Variants in DMD observed in about 807,000 individuals in gnomAD.
The protein encoded by DMD is mutant dystrophin.
DMD carries 63 observed loss-of-function variants against 330.1 expected under a neutral mutation model. That is an observed-to-expected ratio of 0.19 (90% CI 0.16 to 0.24). The LOEUF (loss-of-function observed/expected upper bound fraction) is 0.24. DMD is among the 10% of genes least tolerant of loss of function. The probability of loss-of-function intolerance (pLI) is 1.00; values close to 1 mark genes in which losing one functional copy is unlikely to be tolerated. For synonymous variants in DMD, 1,223 were observed against 959.8 expected (o/e 1.27, Z -5.07); for missense variants, 3,344 against 2,684.1 (o/e 1.25, Z -5.43).
intron 44 of DMD, among the ~76,000 whole-genome samples, chrX:32,051,817 G>T (rs1419603114): frequency 9.0e-6 from 1 of 111,006 alleles, no homozygotes; most frequent in African/African-American, 3.3e-5. Context: ...TTGGGGCACT[G>T]CACTGTCATC....
rs960069052 is a variant in DMD at position 31,582,383 on chromosome X, G to C, written c.8217+45290C>G. ...TCACTCAAGGAGAGTGGAAGAAATG[G>C]GGCCTTGGAGAGATTATGTCATGTG... On this transcript the variant is annotated intron_variant, in intron 55 of 78. Coordinates refer to ENST00000357033, the MANE Select transcript of DMD (RefSeq NM_004006.3). Among the ~76,000 whole-genome samples, 16 of 111,492 alleles carry C rather than the reference G, an allele frequency of 1.4e-4. 1 individual carries two copies. Among genetic ancestry groups the C allele is most frequent in the African/African-American group, 5.2e-4 (16 of 30,635 alleles).
At chrX:32,623,481 A>C (rs780918208) in intron 11 of DMD, among the ~76,000 whole-genome samples, 128 of 110,599 alleles carry the variant, frequency 1.2e-3, no homozygotes, top group Non-Finnish European at 2.1e-3. Context: ...CATTTATTCA[A>C]CTTTTTTTAA....
chrX:32,454,702 T>A lies in DMD; in HGVS notation c.3563A>T (p.Lys1188Ile). The change falls in exon 26 of 79, where the codon AAA (lysine) becomes ATA (isoleucine). Residue 1188 changes from lysine (K) to isoleucine (I), a missense_variant. By Grantham distance (102) the Lys-to-Ile change is moderately radical. Coordinates refer to ENST00000357033, the MANE Select transcript of DMD (RefSeq NM_004006.3). The part of the protein sequence containing the change: ...EEYLERDFEY[K>I]TPDELQKAVE... ...TGCTTTCTGTAATTCATCTGGAGTT[T>A]TATATTCAAAATCTCTCTCAAGATA... 1 of 1,202,617 alleles carries A rather than the reference T, an allele frequency of 8.3e-7. No homozygotes were observed. Among genetic ancestry groups the A allele is most frequent in the Non-Finnish European group, 1.1e-6 (1 of 891,797 alleles).
At chrX:31,241,023 C>G (rs1003215355) in intron 63 of DMD, among the ~76,000 whole-genome samples, 2 of 111,146 alleles carry the variant, frequency 1.8e-5, no homozygotes, top group Non-Finnish European at 3.8e-5. Flanking sequence ...GATAGTGTAT[C>G]TCAAAAGCTC....
intron 3 of DMD, among the ~76,000 whole-genome samples, chrX:32,848,986 T>C (rs1005568637): frequency 2.7e-5 from 3 of 111,206 alleles, no homozygotes; most frequent in African/African-American, 6.5e-5. Context: ...AAAATCTGTG[T>C]GTGTCTGTGT....
intron 48 of DMD, among the ~76,000 whole-genome samples, chrX:31,856,413 C>T (rs61215970): frequency 0.042 from 4,683 of 111,813 alleles, 213 homozygotes; most frequent in African/African-American, 0.14. Context: ...TGATTATTCA[C>T]TGTTAATCTA....
At chrX:31,735,437 C>T (rs2086799567) in intron 51 of DMD, among the ~76,000 whole-genome samples, 1 of 111,715 alleles carries the variant, frequency 9.0e-6, no homozygotes, top group South Asian at 3.7e-4. Context: ...TTCCATGTAA[C>T]GTGATGGTTC....
chrX:31,266,918 C>T (rs1603267879), intron 62 of DMD: 1 of 1,164,159 alleles, frequency 8.6e-7, no homozygotes, highest in Admixed American at 2.5e-5. Context: ...GGAGCGCCGC[C>T]GCCGCCGCCG....
chrX:32,021,920 A>G (rs762335967), intron 44 of DMD, among the ~76,000 whole-genome samples: 3 of 112,102 alleles, frequency 2.7e-5, no homozygotes, highest in African/African-American at 9.7e-5. Context: ...TAAAAAATAA[A>G]TATGTGTTAA....
chrX:32,100,680 C>G (rs1241635809), intron 44 of DMD, among the ~76,000 whole-genome samples: 1 of 110,950 alleles, frequency 9.0e-6, no homozygotes, highest in Non-Finnish European at 1.9e-5. Context: ...TCTTTCCTGA[C>G]TAAAGTTTCT....
chrX:32,209,687 T>A (rs1166955233), intron 44 of DMD, among the ~76,000 whole-genome samples: 1 of 111,531 alleles, frequency 9.0e-6, no homozygotes. Context: ...ACTCTCTTGA[T>A]AATTTCATGC....
intron 7 of DMD, among the ~76,000 whole-genome samples, chrX:32,737,768 C>T (rs192693372): frequency 1.8e-5 from 2 of 111,670 alleles, no homozygotes; most frequent in African/African-American, 6.5e-5. Flanking sequence ...TAACTGTCTT[C>T]TAATGCGTTA....
intron 54 of DMD, among the ~76,000 whole-genome samples, chrX:31,646,575 T>C (rs2080114818): frequency 1.8e-5 from 2 of 111,353 alleles, no homozygotes; most frequent in African/African-American, 6.5e-5. Context: ...TTGGGTACAC[T>C]GTTGCTCTGC....
intron 21 of DMD, among the ~76,000 whole-genome samples, chrX:32,483,653 A>G (rs1478585554): frequency 4.6e-5 from 5 of 108,673 alleles, no homozygotes; most frequent in Non-Finnish European, 1.9e-5. Context: ...ATTGTTAAAT[A>G]TGTCAATATT....
intron 47 of DMD, among the ~76,000 whole-genome samples, chrX:31,913,823 T>C (rs1318870784): frequency 8.9e-6 from 1 of 111,947 alleles, no homozygotes; most frequent in African/African-American, 3.2e-5. Flanking sequence ...CACTGAGACA[T>C]TTATTTGGGT....
chrX:31,121,923 A>C lies in DMD; in HGVS notation c.11054T>G (p.Met3685Arg), dbSNP rs1464917165. 8.4e-7 allele frequency: 1 copy of C among 1,197,409 alleles called. No homozygotes were observed. Among genetic ancestry groups the C allele is most frequent in the Admixed American group, 2.2e-5 (1 of 46,008 alleles). Residue 3685 changes from methionine (M) to arginine (R), a missense_variant, in exon 79 of 79, where the codon ATG (methionine) becomes AGG (arginine). Met to Arg is a moderately conservative substitution (Grantham distance 91). Transcript: ENST00000357033. The stretch of plus-strand genomic sequence containing the variant: ...CTGCCATGTGGAAAAGACTTCCTAC[A>C]TTGTGTCCTGGAAAACAAAGAGAAA... ...TPGKPMREDT[M>R]
intron 2 of DMD, among the ~76,000 whole-genome samples, chrX:32,928,830 G>C (rs1052880180): frequency 8.9e-6 from 1 of 111,811 alleles, no homozygotes; most frequent in East Asian, 2.8e-4. Context: ...CAAACTTTAG[G>C]TTGCAGTACT....
At chrX:33,127,206 T>C (rs771593018) in intron 1 of DMD, among the ~76,000 whole-genome samples, 2 of 110,496 alleles carry the variant, frequency 1.8e-5, no homozygotes, top group South Asian at 3.8e-4. Flanking sequence ...TTCCTAAAGA[T>C]AGAGAAAACT....
At chrX:32,497,309 A>G (rs888232192) in intron 19 of DMD, among the ~76,000 whole-genome samples, 1 of 112,396 alleles carries the variant, frequency 8.9e-6, no homozygotes, top group Admixed American at 9.5e-5. Context: ...CTTAAACACT[A>G]TAATCTAGCA....
Sources: gnomAD v4.1 joint callset for allele counts (sites outside exome capture counted in the v4.1 genomes callset) on GRCh38, gnomAD v4.1.1 for gene constraint, MANE v1.5 for transcripts, NCBI Gene and HGNC (gene_info 2026-07-23, HGNC 2026-07-21) for gene names.